The following HMGA2 variants were observed in gnomAD, a reference collection of about 807,000 sequenced individuals.
HMGA2 encodes high mobility group AT-hook 2.
In HMGA2, 8 loss-of-function variants were observed where a neutral mutation model predicts 19.1. That is an observed-to-expected ratio of 0.42 (90% CI 0.25 to 0.76). The LOEUF (loss-of-function observed/expected upper bound fraction) is 0.76. Among genes scored for constraint, HMGA2 ranks in the 30% least tolerant of loss-of-function variants. The probability of loss-of-function intolerance (pLI) is 0.28; values close to 1 mark genes in which losing one functional copy is unlikely to be tolerated. For missense variants in HMGA2, 109 were observed against 136.3 expected (o/e 0.80, Z 1.00); for synonymous variants, 60 against 48.8 (o/e 1.23, Z -0.96).
intron 3 of HMGA2, chr12:65,882,044 T>C: frequency 1.6e-6 from 1 of 635,622 alleles, no homozygotes; most frequent in Non-Finnish European, 2.9e-6. Flanking sequence ...CTCCCAGTTG[T>C]CTATCACCAA....
At chr12:65,942,299 T>A (rs1284672349) in intron 3 of HMGA2, among the ~76,000 whole-genome samples, 1 of 152,234 alleles carries the variant, frequency 6.6e-6, no homozygotes, top group Non-Finnish European at 1.5e-5. Flanking sequence ...TTTCCTGTGC[T>A]GGCTCTTAAG....
chr12:65,858,195 A>C (rs1486865251), intron 3 of HMGA2: 1 of 152,646 alleles, frequency 6.6e-6, no homozygotes, highest in Non-Finnish European at 1.5e-5. Flanking sequence ...TTATGGGTTG[A>C]TGCAGTTTCC....
intron 3 of HMGA2, among the ~76,000 whole-genome samples, chr12:65,941,852 G>A (rs530571572): frequency 4.0e-4 from 61 of 152,298 alleles, no homozygotes; most frequent in African/African-American, 1.4e-3. Flanking sequence ...TAGTCAGAAT[G>A]AAAGTACTAA....
chr12:65,895,723 G>T (rs1265227884), intron 3 of HMGA2, among the ~76,000 whole-genome samples: 1 of 151,918 alleles, frequency 6.6e-6, no homozygotes, highest in Non-Finnish European at 1.5e-5. Flanking sequence ...TACCTTCTTT[G>T]TCCTACATAG....
chr12:65,963,144 C>A, intron 4 of HMGA2, 101 bp from the exon 5 acceptor site: 2 of 1,048,570 alleles, frequency 1.9e-6, no homozygotes, highest in South Asian at 1.3e-5. Flanking sequence ...TTGAGGCAAG[C>A]ATAATGTGCT....
chr12:65,836,066 T>C (rs1870704602), intron 2 of HMGA2, among the ~76,000 whole-genome samples: 2 of 152,136 alleles, frequency 1.3e-5, no homozygotes, highest in African/African-American at 4.8e-5. Context: ...AATACTTGCA[T>C]TGACCAAGGC....
intron 3 of HMGA2, among the ~76,000 whole-genome samples, chr12:65,849,821 C>T (rs974846176): frequency 7.0e-6 from 1 of 143,458 alleles, no homozygotes; most frequent in Non-Finnish European, 1.5e-5. Flanking sequence ...CGGGTTCAGG[C>T]GATTCTTAAG....
rs533330687 is a variant in HMGA2, at chr12:65,848,385, A to C, written c.249+9816A>C. Among the ~76,000 whole-genome samples the C allele has an allele frequency of 4.6e-5, 7 of 152,308 alleles. No homozygotes were observed. The East Asian group carries it at 1.4e-3, about 29-fold the overall frequency. ...CTAACATGAGAATAAAGAAAAGTAA[A>C]AAGTCAATTACTCTATTTGTTTCTT... On this transcript the variant is annotated intron_variant, in intron 3 of 4. Coordinates refer to ENST00000403681, the MANE Select transcript of HMGA2 (RefSeq NM_003483.6).
chr12:65,908,799 T>C (rs916346760), intron 3 of HMGA2, among the ~76,000 whole-genome samples: 3 of 152,204 alleles, frequency 2.0e-5, no homozygotes, highest in African/African-American at 7.2e-5. Context: ...CCAACTCCCA[T>C]ATAGACTGAG....
intron 3 of HMGA2, among the ~76,000 whole-genome samples, chr12:65,855,619 A>T (rs1431157402): frequency 1.3e-5 from 2 of 152,140 alleles, no homozygotes; most frequent in African/African-American, 4.8e-5. Context: ...GTGAATATTA[A>T]CATTTAAGAA....
In HMGA2 at chr12:65,860,154, A is replaced by G. The variant is rs185895453; in HGVS notation, c.249+21585A>G. ...ATTTAAGACATCTCACCTACTGAAC[A>G]TCCTAGCTTCGCCTAGCCTACCTTA... On this transcript the variant is annotated intron_variant, in intron 3 of 4. Transcript: ENST00000403681. 165 of 353,330 alleles carry G rather than the reference A, an allele frequency of 4.7e-4. 1 individual carries two copies. Among genetic ancestry groups the G allele is most frequent in the African/African-American group, 3.3e-3 (159 of 47,624 alleles). The allele number at this position is 353,330 out of a possible 1,614,324, so 21.9% of individuals were successfully genotyped here.
At chr12:65,938,085 T>C (rs1190118450) in intron 3 of HMGA2, among the ~76,000 whole-genome samples, 1 of 152,120 alleles carries the variant, frequency 6.6e-6, no homozygotes, top group Non-Finnish European at 1.5e-5. Context: ...GCAGGGACTG[T>C]CGGAAGAGAC....
At chr12:65,859,429 A>C (rs148818718) in intron 3 of HMGA2, 8 of 152,354 alleles carry the variant, frequency 5.3e-5, no homozygotes, top group South Asian at 2.1e-4. Flanking sequence ...AGAAACTGCT[A>C]ACTGGGTCTT....
Position 65,849,736 on chromosome 12 carries a change from A to ATTTTTTTTTTTTTTTTTTTTTTTTT in HMGA2, c.249+11191_249+11192insTTTTTTTTTTTTTTTTTTTTTTTTT, listed in dbSNP as rs34541445. 7.0e-5 allele frequency among the ~76,000 whole-genome samples: 6 copies of ATTTTTTTTTTTTTTTTTTTTTTTTT among 85,126 alleles called. 1 individual carries two copies. The highest frequency in any genetic ancestry group is 2.7e-4 in the African/African-American group (5 of 18,530). The allele number at this position is 85,126 out of a possible 152,430, so 55.8% of individuals were successfully genotyped here. ...AAACCAAGACAATGGTAGGCTCTGT[A>ATTTTTTTTTTTTTTTTTTTTTTTTT]TTTTTTTTTTTTTTTTTTTTTTTTG... On this transcript the variant is annotated intron_variant, in intron 3 of 4. Coordinates refer to ENST00000403681, the MANE Select transcript of HMGA2 (RefSeq NM_003483.6).
At chr12:65,855,458 T>TCACACACACACA (rs3048829) in intron 3 of HMGA2, among the ~76,000 whole-genome samples, 81 of 140,226 alleles carry the variant, frequency 5.8e-4, no homozygotes, top group African/African-American at 7.5e-4. Context: ...TCTCTCTCTC[T>TCACACACACACA]CACACACACA....
chr12:65,867,176 CTGGTATCCCTGAATG>C, intron 3 of HMGA2, among the ~76,000 whole-genome samples: 1 of 152,280 alleles, frequency 6.6e-6, no homozygotes, highest in Admixed American at 6.5e-5. Context: ...TTTTTGTTAA[CTGGTATCCCTGAATG>C]TGGCTAATGG....
chr12:65,914,970 TG>T, intron 3 of HMGA2: 1 of 1,569,964 alleles, frequency 6.4e-7, no homozygotes, highest in Non-Finnish European at 8.7e-7. Context: ...CCATCGTGCC[TG>T]GTCTAAAAAA....
chr12:65,829,134 G>C (rs910086690), intron 2 of HMGA2: 1 of 152,228 alleles, frequency 6.6e-6, no homozygotes, highest in South Asian at 2.1e-4. Flanking sequence ...AATGTTTTGT[G>C]TGATTTTCTT....
rs145963366 is a variant in HMGA2 at position 65,871,091 on chromosome 12, T to G, written c.249+32522T>G. On this transcript the variant is annotated intron_variant, in intron 3 of 4. Coordinates refer to ENST00000403681, the MANE Select transcript of HMGA2 (RefSeq NM_003483.6). ...TCAGAAGCCATAGTCTAATGACCAA[T>G]GCATCATAATTACTTGCTACACTAA... Among the ~76,000 whole-genome samples, 7 of 152,340 alleles carry G rather than the reference T, an allele frequency of 4.6e-5. No individual in the cohort carries two copies. The East Asian group carries it at 9.6e-4, about 21-fold the overall frequency.
Sources: gnomAD v4.1 joint callset for allele counts (sites outside exome capture counted in the v4.1 genomes callset) on GRCh38, gnomAD v4.1.1 for gene constraint, MANE v1.5 for transcripts, NCBI Gene and HGNC (gene_info 2026-07-23, HGNC 2026-07-21) for gene names.